STXBP5: variants seen among roughly 807,000 people sequenced by gnomAD.
STXBP5 encodes syntaxin-binding protein 5.
Under a neutral mutation model 152.4 loss-of-function variants are expected in STXBP5, and 50 were observed. The observed-to-expected ratio is 0.33, with a 90% CI of 0.26 to 0.42. The LOEUF is 0.42. STXBP5 is among the 10% of genes least tolerant of loss of function. STXBP5 has a pLI of 1.00. For synonymous variants in STXBP5, 492 were observed against 494.7 expected (o/e 0.99, Z 0.07); for missense variants, 1,167 against 1,388.6 (o/e 0.84, Z 2.54).
intron 21 of STXBP5, among the ~76,000 whole-genome samples, chr6:147,346,101 C>G (rs1784314641): frequency 6.6e-6 from 1 of 152,138 alleles, no homozygotes; most frequent in African/African-American, 2.4e-5. Context: ...ATAACTCATC[C>G]AGATTGCATG....
chr6:147,239,820 G>T (rs1302324578), intron 4 of STXBP5, among the ~76,000 whole-genome samples: 1 of 152,130 alleles, frequency 6.6e-6, no homozygotes. Flanking sequence ...TAAATTTGTA[G>T]AAGTAGGTTA....
intron 7 of STXBP5, among the ~76,000 whole-genome samples, chr6:147,271,962 G>T (rs1482302890): frequency 6.6e-6 from 1 of 152,002 alleles, no homozygotes; most frequent in Non-Finnish European, 1.5e-5. Flanking sequence ...AAATACAGAG[G>T]GGCTGATAAG....
chr6:147,282,366 T>C (rs1780742633), intron 8 of STXBP5, among the ~76,000 whole-genome samples: 1 of 152,224 alleles, frequency 6.6e-6, no homozygotes, highest in Admixed American at 6.5e-5. Context: ...ATCTCACTTT[T>C]ATGAGTCTCA....
intron 4 of STXBP5, among the ~76,000 whole-genome samples, chr6:147,240,578 C>G (rs1000049361): frequency 6.6e-6 from 1 of 151,914 alleles, no homozygotes; most frequent in African/African-American, 2.4e-5. Flanking sequence ...TTTTTCCAGT[C>G]AAGTTTTAGT....
intron 2 of STXBP5, among the ~76,000 whole-genome samples, chr6:147,209,257 G>A (rs781742194): frequency 2.0e-5 from 3 of 152,106 alleles, no homozygotes; most frequent in Non-Finnish European, 4.4e-5. Flanking sequence ...TATTATCGAA[G>A]AACCTCATTC....
At chr6:147,228,082 G>A (rs985955965) in intron 2 of STXBP5, among the ~76,000 whole-genome samples, 1 of 151,928 alleles carries the variant, frequency 6.6e-6, no homozygotes, top group Admixed American at 6.6e-5. Flanking sequence ...TTCCTCCTGG[G>A]CTTTTTCATC....
intron 4 of STXBP5, 126 bp downstream of exon 4, chr6:147,239,396 A>G: frequency 1.5e-6 from 1 of 688,122 alleles, no homozygotes; most frequent in Non-Finnish European, 2.3e-6. Context: ...AGAAGCTTCA[A>G]AGGATATACA....
chr6:147,264,034 T>C (rs1411703980), intron 6 of STXBP5, among the ~76,000 whole-genome samples: 1 of 151,504 alleles, frequency 6.6e-6, no homozygotes, highest in East Asian at 1.9e-4. Flanking sequence ...ATGGATTATA[T>C]ATATAATTCA....
rs1309997265 is a variant in STXBP5 at position 147,386,745 on chromosome 6, A to T, written c.*1990A>T. Reference sequence around the variant, plus strand: ...TTGTTAGGTCCTATTTTAAAGGTACAGTTTTGTGAATGTCATCAATAAAAT... The same window carrying T: ...TTGTTAGGTCCTATTTTAAAGGTACTGTTTTGTGAATGTCATCAATAAAAT... On this transcript the variant is annotated 3_prime_UTR_variant, in exon 28 of 28. Transcript: ENST00000321680. 6.6e-6 allele frequency: 1 copy of T among 151,844 alleles called. No homozygotes were observed. The highest frequency in any genetic ancestry group is 1.9e-4 in the East Asian group (1 of 5,178). 9.4% of individuals were successfully genotyped at this position (151,844 alleles called of 1,614,324 possible). A position where few individuals can be genotyped will look rare whatever the true frequency, so the allele number is the denominator to read the frequency against.
At chr6:147,334,478 C>T (rs1162937142) in intron 19 of STXBP5, among the ~76,000 whole-genome samples, 3 of 152,118 alleles carry the variant, frequency 2.0e-5, no homozygotes, top group Non-Finnish European at 2.9e-5. Context: ...CTTATATTTA[C>T]ACCTTTTTTA....
At chr6:147,244,987 C>CTTTTT (rs57889304) in intron 4 of STXBP5, among the ~76,000 whole-genome samples, 3 of 86,200 alleles carry the variant, frequency 3.5e-5, no homozygotes, top group African/African-American at 5.3e-5. Flanking sequence ...TGCTGAGCTG[C>CTTTTT]TTTTTTTTTT....
chr6:147,228,316 T>TA (rs1451645422), intron 2 of STXBP5, among the ~76,000 whole-genome samples: 6 of 152,124 alleles, frequency 3.9e-5, no homozygotes, highest in African/African-American at 1.2e-4. Flanking sequence ...AATATCTTTA[T>TA]AACTCTGGGG....
intron 9 of STXBP5, among the ~76,000 whole-genome samples, chr6:147,302,152 T>A (rs1781852392): frequency 6.6e-6 from 1 of 152,210 alleles, no homozygotes; most frequent in Non-Finnish European, 1.5e-5. Flanking sequence ...GAATTTAAAC[T>A]GATATTACAT....
chr6:147,345,440 G>A (rs142679966), intron 21 of STXBP5, among the ~76,000 whole-genome samples: 382 of 152,244 alleles, frequency 2.5e-3, no homozygotes, highest in African/African-American at 8.3e-3. Flanking sequence ...GCAAACTTGA[G>A]TTTTAATTCC....
intron 18 of STXBP5, among the ~76,000 whole-genome samples, chr6:147,332,716 C>T (rs749454144): frequency 6.6e-6 from 1 of 152,180 alleles, no homozygotes; most frequent in Non-Finnish European, 1.5e-5. Flanking sequence ...TGACTTTTAC[C>T]CTGAGTGAGA....
intron 2 of STXBP5, among the ~76,000 whole-genome samples, chr6:147,217,459 T>TAAA (rs1307815705): frequency 2.0e-5 from 3 of 152,196 alleles, no homozygotes; most frequent in Non-Finnish European, 2.9e-5. Flanking sequence ...TAAATAGTAG[T>TAAA]TTGAGCAAGT....
intron 24 of STXBP5, 104 bp from the exon 25 acceptor site, chr6:147,363,897 C>T: frequency 7.1e-7 from 1 of 1,404,796 alleles, no homozygotes; most frequent in Non-Finnish European, 9.6e-7. Context: ...AGTATACAAA[C>T]TAAATCATAA....
At chr6:147,227,532 G>T (rs773649773) in intron 2 of STXBP5, among the ~76,000 whole-genome samples, 13 of 151,976 alleles carry the variant, frequency 8.6e-5, no homozygotes, top group Non-Finnish European at 1.8e-4. Flanking sequence ...CCCCTCCCCT[G>T]TAGTCTTGTC....
chr6:147,383,244 G>A (rs562231175), intron 27 of STXBP5, among the ~76,000 whole-genome samples: 86 of 152,078 alleles, frequency 5.7e-4, no homozygotes, highest in Middle Eastern at 6.8e-3. Flanking sequence ...CTTTTGGTAA[G>A]CAAAGCTACC....
Sources: gnomAD v4.1 joint callset for allele counts (sites outside exome capture counted in the v4.1 genomes callset) on GRCh38, gnomAD v4.1.1 for gene constraint, MANE v1.5 for transcripts, NCBI Gene and HGNC (gene_info 2026-07-23, HGNC 2026-07-21) for gene names.